Variants in PTPRG observed in about 807,000 individuals in gnomAD.
PTPRG encodes receptor-type tyrosine-protein phosphatase gamma.
Under a neutral mutation model 165.3 loss-of-function variants are expected in PTPRG, and 102 were observed. The ratio of observed to expected loss-of-function variants is 0.62; its 90% CI spans 0.53 to 0.73. The LOEUF (loss-of-function observed/expected upper bound fraction) is 0.73. PTPRG is among the 30% of genes least tolerant of loss of function. PTPRG has a pLI of 0.00. For missense variants in PTPRG, 1,866 were observed against 1,861.4 expected, an observed-to-expected ratio of 1.00 and a Z score of -0.05; for synonymous variants, 675 against 669.5, an observed-to-expected ratio of 1.01 and a Z score of -0.13.
At chr3:62,069,605 G>T (rs925607745) in intron 4 of PTPRG, among the ~76,000 whole-genome samples, 2 of 144,866 alleles carry the variant, frequency 1.4e-5, no homozygotes, top group Non-Finnish European at 3.0e-5. Context: ...ATTAGTCAGG[G>T]TTCTCCAGAG....
chr3:62,082,923 CT>C (rs1701628472), intron 5 of PTPRG, among the ~76,000 whole-genome samples: 1 of 152,144 alleles, frequency 6.6e-6, no homozygotes, highest in Non-Finnish European at 1.5e-5. Context: ...GAAGGATCAC[CT>C]TTTTCTAGAT....
chr3:62,055,690 C>T (rs992321480), intron 4 of PTPRG, among the ~76,000 whole-genome samples: 2 of 152,178 alleles, frequency 1.3e-5, no homozygotes, highest in Non-Finnish European at 1.5e-5. Context: ...CGCTTTTGTG[C>T]TTTTGCTCTT....
At chr3:62,272,010 C>T (rs1702084131) in intron 21 of PTPRG, among the ~76,000 whole-genome samples, 1 of 151,962 alleles carries the variant, frequency 6.6e-6, no homozygotes, top group South Asian at 2.1e-4. Flanking sequence ...CAGAAGGATC[C>T]CTTGAACCCA....
At chr3:61,781,758 T>G (rs2034550478) in intron 2 of PTPRG, among the ~76,000 whole-genome samples, 1 of 152,120 alleles carries the variant, frequency 6.6e-6, no homozygotes, top group Non-Finnish European at 1.5e-5. Flanking sequence ...GATAGGGTCT[T>G]ACTCTCTTAT....
intron 3 of PTPRG, among the ~76,000 whole-genome samples, chr3:62,000,429 G>A (rs1008470172): frequency 6.6e-6 from 1 of 152,166 alleles, no homozygotes; most frequent in Admixed American, 6.5e-5. Flanking sequence ...TGCAGACCTA[G>A]GCAACAGAAG....
At chr3:62,291,799 T>G (rs1038377897) in intron 28 of PTPRG, among the ~76,000 whole-genome samples, 1 of 152,158 alleles carries the variant, frequency 6.6e-6, no homozygotes, top group African/African-American at 2.4e-5. Context: ...CCTGGCCTGA[T>G]GGAAATTTAC....
At chr3:61,855,354 G>A (rs960760900) in intron 2 of PTPRG, among the ~76,000 whole-genome samples, 2 of 152,176 alleles carry the variant, frequency 1.3e-5, no homozygotes, top group African/African-American at 4.8e-5. Flanking sequence ...TACCTTCAGT[G>A]TTTTGTAATT....
At chr3:62,082,516 A>G (rs1338409096) in intron 5 of PTPRG, among the ~76,000 whole-genome samples, 1 of 152,194 alleles carries the variant, frequency 6.6e-6, no homozygotes, top group Non-Finnish European at 1.5e-5. Context: ...AAATGTCTTG[A>G]TGATGTAGCA....
chr3:62,102,176 A>G (rs947381493), intron 5 of PTPRG, among the ~76,000 whole-genome samples: 23 of 152,220 alleles, frequency 1.5e-4, no homozygotes, highest in Non-Finnish European at 3.2e-4. Flanking sequence ...TTGCATCCTT[A>G]GTGCCTGGTC....
chr3:62,153,410 A>T (rs7611117), intron 6 of PTPRG, among the ~76,000 whole-genome samples: 5,137 of 152,352 alleles, frequency 0.034, 178 homozygotes, highest in Middle Eastern at 0.099. Flanking sequence ...GTTAAGGCCT[A>T]GGCCTAAGGT....
intron 2 of PTPRG, among the ~76,000 whole-genome samples, chr3:61,873,515 C>T (rs1686726954): frequency 6.6e-6 from 1 of 152,114 alleles, no homozygotes; most frequent in African/African-American, 2.4e-5. Flanking sequence ...TCTGTTGTTT[C>T]TGGGCATTTG....
intron 7 of PTPRG, among the ~76,000 whole-genome samples, chr3:62,164,214 T>C (rs1015648908): frequency 2.8e-4 from 43 of 152,298 alleles, no homozygotes; most frequent in South Asian, 1.2e-3. Context: ...GGTGGGCTTA[T>C]GGCACCTTTT....
At position 62,296,427 on chromosome 3, in the gene PTPRG, C is replaced by T. The variant is rs955848728; in HGVS notation, c.*3120C>T. On this transcript the variant is annotated 3_prime_UTR_variant, in exon 30 of 30. Transcript: ENST00000474889. ...TGAATTTTTCTTAAATGCATATATA[C>T]TGTATTTAAAATTAAAATATAGATA... is the stretch of plus-strand genomic sequence containing the variant. The T allele has an allele frequency of 6.6e-6, 1 of 151,510 alleles. No homozygotes were observed. The highest frequency in any genetic ancestry group is 2.1e-4 in the South Asian group (1 of 4,816). The allele number at this position is 151,510 out of a possible 1,614,324, so 9.4% of individuals were successfully genotyped here.
At position 61,989,652 on chromosome 3, in the gene PTPRG, C is replaced by T. The variant is rs182010071; in HGVS notation, c.218C>T (p.Thr73Met). 16 of 1,614,040 alleles carry T rather than the reference C, an allele frequency of 9.9e-6. No homozygotes were observed. Among genetic ancestry groups the T allele is most frequent in the Middle Eastern group, 1.7e-4 (1 of 6,060 alleles). The change falls in exon 3 of 30, where the codon ACG becomes ATG. Residue 73 changes from threonine (T) to methionine (M), a missense_variant. Thr to Met is a moderately conservative substitution (Grantham distance 81, BLOSUM62 -1). Transcript: ENST00000474889. ...GCCTATGGTCCTGAGCACTGGGTCA[C>T]GTCTAGTGTCAGCTGTGGGGGCCGT... Reference protein sequence around the residue: ...SGAYGPEHWVTSSVSCGGRHQ... With the variant: ...SGAYGPEHWVMSSVSCGGRHQ...
intron 4 of PTPRG, among the ~76,000 whole-genome samples, chr3:62,057,429 C>T (rs1457604961): frequency 6.6e-6 from 1 of 152,146 alleles, no homozygotes; most frequent in Non-Finnish European, 1.5e-5. Context: ...TGTGGGACTC[C>T]CAAAGGATGC....
chr3:61,887,673 C>G (rs1480630871), intron 2 of PTPRG, among the ~76,000 whole-genome samples: 1 of 151,374 alleles, frequency 6.6e-6, no homozygotes, highest in Non-Finnish European at 1.5e-5. Context: ...AAATTCTATG[C>G]CATATATTAC....
At chr3:61,895,216 A>C (rs887465601) in intron 2 of PTPRG, among the ~76,000 whole-genome samples, 1 of 152,104 alleles carries the variant, frequency 6.6e-6, no homozygotes, top group Non-Finnish European at 1.5e-5. Context: ...TTCAAGCATT[A>C]CTCTGACTTA....
intron 2 of PTPRG, among the ~76,000 whole-genome samples, chr3:61,779,687 A>C (rs187926656): frequency 3.4e-5 from 5 of 147,782 alleles, no homozygotes; most frequent in Admixed American, 3.3e-4. Flanking sequence ...CTTGTTTAGT[A>C]ATCAGTGGAG....
intron 1 of PTPRG, among the ~76,000 whole-genome samples, chr3:61,688,315 C>T (rs982195499): frequency 1.9e-4 from 29 of 152,294 alleles, no homozygotes; most frequent in Admixed American, 4.6e-4. Context: ...TGCTGACTAG[C>T]GGAGGAAACA....
Sources: gnomAD v4.1 joint callset for allele counts (sites outside exome capture counted in the v4.1 genomes callset) on GRCh38, gnomAD v4.1.1 for gene constraint, MANE v1.5 for transcripts, NCBI Gene and HGNC (gene_info 2026-07-23, HGNC 2026-07-21) for gene names.